Variants in SYNDIG1L observed in about 807,000 individuals in gnomAD.
SYNDIG1L encodes synapse differentiation inducing 1 like.
A neutral mutation model predicts 20.1 loss-of-function variants in SYNDIG1L; 13 were observed. The ratio of observed to expected loss-of-function variants is 0.65; its 90% confidence interval spans 0.42 to 1.03. The LOEUF is 1.03. SYNDIG1L is among the 50% of genes least tolerant of loss of function. The probability of loss-of-function intolerance (pLI) is 0.00; values close to 1 mark genes in which losing one functional copy is unlikely to be tolerated. For missense variants in SYNDIG1L, 294 were observed against 305.1 expected (o/e 0.96, Z 0.27); for synonymous variants, 128 against 129.3 (o/e 0.99, Z 0.07).
chr14:74,479,698 G>A, the SYNDIG1L span: 1 of 169,336 alleles, frequency 5.9e-6, no homozygotes, highest in African/African-American at 2.4e-5. Context: ...TATTCAACTA[G>A]GTGATTTTTA....
chr14:74,424,867 G>A (rs756432659), intron 1 of SYNDIG1L, among the ~76,000 whole-genome samples: 3 of 152,132 alleles, frequency 2.0e-5, no homozygotes, highest in Non-Finnish European at 4.4e-5. Context: ...TGAGCAGAGC[G>A]GTGACCTTAT....
chr14:74,414,365 C>G (rs1013125), intron 1 of SYNDIG1L, among the ~76,000 whole-genome samples: 72,307 of 152,026 alleles, frequency 0.48, 17,317 homozygotes, highest in Non-Finnish European at 0.5. Flanking sequence ...GGTCTGGGTC[C>G]CACAATGGGA....
chr14:74,442,254 C>T, the SYNDIG1L span, among the ~76,000 whole-genome samples: 1 of 151,980 alleles, frequency 6.6e-6, no homozygotes, highest in South Asian at 2.1e-4. Flanking sequence ...CAAACAATAC[C>T]TGAATAATAA....
chr14:74,469,712 C>G, the SYNDIG1L span, among the ~76,000 whole-genome samples: 1 of 152,192 alleles, frequency 6.6e-6, no homozygotes, highest in African/African-American at 2.4e-5. Context: ...TGCTCACAGA[C>G]TGAGCTCAGC....
At chr14:74,412,938 G>T (rs1435640912) in intron 1 of SYNDIG1L, among the ~76,000 whole-genome samples, 1 of 152,192 alleles carries the variant, frequency 6.6e-6, no homozygotes, top group Non-Finnish European at 1.5e-5. Flanking sequence ...GGCATGCAGG[G>T]GCCTTGGGGT....
the SYNDIG1L span, among the ~76,000 whole-genome samples, chr14:74,451,946 T>G: frequency 8.1e-6 from 1 of 123,316 alleles, no homozygotes; most frequent in Non-Finnish European, 1.6e-5. Flanking sequence ...GCCGAGACCA[T>G]GCCATTACAC....
chr14:74,463,497 C>T, the SYNDIG1L span, among the ~76,000 whole-genome samples: 2 of 152,182 alleles, frequency 1.3e-5, no homozygotes, highest in African/African-American at 4.8e-5. Flanking sequence ...TCTCATGGTT[C>T]CTGCCCTCTT....
the SYNDIG1L span, among the ~76,000 whole-genome samples, chr14:74,475,966 C>T: frequency 1.5e-4 from 23 of 152,312 alleles, no homozygotes; most frequent in East Asian, 4.4e-3. Flanking sequence ...GTACATTACA[C>T]ATTAACAGTG....
chr14:74,479,499 G>A, the SYNDIG1L span: 1 of 152,676 alleles, frequency 6.5e-6, no homozygotes, highest in African/African-American at 2.4e-5. Flanking sequence ...TGTACTTTAA[G>A]ATAGGAAACT....
At chr14:74,460,484 A>C in the SYNDIG1L span, among the ~76,000 whole-genome samples, 2 of 152,172 alleles carry the variant, frequency 1.3e-5, no homozygotes, top group African/African-American at 4.8e-5. Context: ...AATTTCCTGC[A>C]GGCGGGCTAC....
chr14:74,449,436 T>TAAAAAAAAAAAAA, the SYNDIG1L span, among the ~76,000 whole-genome samples: 1 of 8,256 alleles, frequency 1.2e-4, no homozygotes, highest in Non-Finnish European at 3.0e-4. Context: ...ATCCTGTCTT[T>TAAAAAAAAAAAAA]ACAAAAAAAA....
At chr14:74,441,648 G>A in the SYNDIG1L span, among the ~76,000 whole-genome samples, 1 of 152,088 alleles carries the variant, frequency 6.6e-6, no homozygotes, top group South Asian at 2.1e-4. Flanking sequence ...TAGGACTACA[G>A]GTGAGTGCCG....
chr14:74,442,119 T>A, the SYNDIG1L span, among the ~76,000 whole-genome samples: 1 of 150,458 alleles, frequency 6.6e-6, no homozygotes, highest in Non-Finnish European at 1.5e-5. Flanking sequence ...AATAGTACCT[T>A]TTTTTTTTAT....
chr14:74,477,039 A>AACACACACACACACACACACACAC, the SYNDIG1L span, among the ~76,000 whole-genome samples: 1 of 97,018 alleles, frequency 1.0e-5, no homozygotes, highest in Non-Finnish European at 2.0e-5. Flanking sequence ...CCCCATTCCC[A>AACACACACACACACACACACACAC]ACACACACAC....
the SYNDIG1L span, among the ~76,000 whole-genome samples, chr14:74,445,145 C>T: frequency 6.6e-6 from 1 of 152,072 alleles, no homozygotes; most frequent in South Asian, 2.1e-4. Context: ...TTTAAAGGGC[C>T]TGGCATCTCC....
At chr14:74,477,836 T>C in the SYNDIG1L span, among the ~76,000 whole-genome samples, 1 of 152,200 alleles carries the variant, frequency 6.6e-6, no homozygotes, top group African/African-American at 2.4e-5. Flanking sequence ...AGACGGTCAT[T>C]GGAAAGAGGA....
At chr14:74,472,515 G>A in the SYNDIG1L span, among the ~76,000 whole-genome samples, 1 of 152,226 alleles carries the variant, frequency 6.6e-6, no homozygotes, top group Non-Finnish European at 1.5e-5. Context: ...ATACAGTGAT[G>A]AGCAAAATGG....
chr14:74,440,703 A>G, the SYNDIG1L span, among the ~76,000 whole-genome samples: 12 of 152,068 alleles, frequency 7.9e-5, no homozygotes, highest in East Asian at 1.4e-3. Flanking sequence ...AAAAAAAAGT[A>G]TCTCTCAATA....
chr14:74,479,065 A>C, the SYNDIG1L span, among the ~76,000 whole-genome samples: 2 of 152,224 alleles, frequency 1.3e-5, no homozygotes, highest in Non-Finnish European at 2.9e-5. Flanking sequence ...ATACATCTAG[A>C]GTCTGGTATG....
Sources: allele counts gnomAD v4.1 joint callset (sites outside exome capture counted in the v4.1 genomes callset), GRCh38; gene constraint gnomAD v4.1.1; transcripts MANE v1.5; gene names NCBI Gene and HGNC (gene_info 2026-07-23, HGNC 2026-07-21).